LIPG: variants seen among roughly 807,000 people sequenced by gnomAD.
The protein encoded by LIPG is endothelial lipase.
LIPG carries 34 observed loss-of-function variants against 51.8 expected under a neutral mutation model. That is an observed-to-expected ratio of 0.66 (90% CI 0.50 to 0.87). LIPG has a LOEUF of 0.87. Ranked by LOEUF, LIPG falls within the 40% of genes least tolerant of loss-of-function variation. The probability of loss-of-function intolerance (pLI) is 0.00; values close to 1 mark genes in which losing one functional copy is unlikely to be tolerated. For synonymous variants in LIPG, 246 were observed against 246.1 expected, an observed-to-expected ratio of 1.00 and a Z score of 0.00; for missense variants, 580 against 652.7, an observed-to-expected ratio of 0.89 and a Z score of 1.21.
intron 9 of LIPG, chr18:49,589,389 CACATATATTA>C (rs1266197057): frequency 6.6e-6 from 1 of 152,156 alleles, no homozygotes; most frequent in Non-Finnish European, 1.5e-5. Context: ...AAAGTGTTTC[CACATATATTA>C]ACTTCATTGA....
Position 49,583,555 on chromosome 18 carries a change from G to C in LIPG, c.1158-1G>C. ...GAGATCAGCTTCTCTCCCACTTGTA[G>C]AGTGGAGCGGATCGAGCAGAATGCC... On this transcript the variant is annotated splice_acceptor_variant, in intron 7 of 9. Coordinates refer to ENST00000261292, the MANE Select transcript of LIPG (RefSeq NM_006033.4). LOFTEE classifies it high-confidence loss of function. 2 of 1,613,018 alleles carry C rather than the reference G, an allele frequency of 1.2e-6. No homozygotes were observed. The highest frequency in any genetic ancestry group is 1.7e-6 in the Non-Finnish European group (2 of 1,179,088).
At position 49,583,587 on chromosome 18, in the gene LIPG, A is replaced by G. The variant is rs1432153994; in HGVS notation, c.1189A>G (p.Thr397Ala). ...VERIEQNATNTFLVYTEEDLG... is the reference protein window; with the variant it reads ...VERIEQNATNAFLVYTEEDLG... Reference sequence around the variant, plus strand: ...GCGGATCGAGCAGAATGCCACCAACACCTTCCTGGTCTACACCGAGGAGGA... The same window carrying G: ...GCGGATCGAGCAGAATGCCACCAACGCCTTCCTGGTCTACACCGAGGAGGA... Residue 397 changes from threonine to alanine, a missense_variant, in exon 8 of 10, where the codon ACC (threonine) becomes GCC (alanine). Transcript: ENST00000261292. The G allele has an allele frequency of 6.2e-7, 1 of 1,614,118 alleles. No homozygotes were observed. The highest frequency in any genetic ancestry group is 8.5e-7 in the Non-Finnish European group (1 of 1,180,010).
intron 6 of LIPG, 161 bp downstream of exon 6, chr18:49,581,818 G>A: frequency 4.4e-6 from 4 of 900,430 alleles, no homozygotes; most frequent in South Asian, 2.8e-5. Flanking sequence ...CTAGGAAAGG[G>A]AATCTTTACA....
chr18:49,589,218 C>T (rs894544169), intron 9 of LIPG: 1 of 152,226 alleles, frequency 6.6e-6, no homozygotes, highest in Non-Finnish European at 1.5e-5. Flanking sequence ...GCGCTGCATC[C>T]CAGCTGCTCT....
At chr18:49,588,701 A>G (rs1018105902) in intron 9 of LIPG, among the ~76,000 whole-genome samples, 14 of 152,194 alleles carry the variant, frequency 9.2e-5, no homozygotes, top group Middle Eastern at 3.4e-3. Context: ...CCATGCTGCA[A>G]TCCGTTATTT....
At chr18:49,577,652 C>A (rs1179692593) in intron 5 of LIPG, among the ~76,000 whole-genome samples, 194 of 138,958 alleles carry the variant, frequency 1.4e-3, no homozygotes, top group Non-Finnish European at 2.3e-3. Context: ...GGGGGCTGAC[C>A]CCCCCACCTC....
At chr18:49,586,367 C>G (rs558639315) in intron 8 of LIPG, among the ~76,000 whole-genome samples, 81 of 152,296 alleles carry the variant, frequency 5.3e-4, no homozygotes, top group Middle Eastern at 3.4e-3. Flanking sequence ...GCAACACTAA[C>G]AAAAGCAATA....
At chr18:49,570,359 C>CA (rs2084649888) in intron 4 of LIPG, among the ~76,000 whole-genome samples, 1 of 152,186 alleles carries the variant, frequency 6.6e-6, no homozygotes, top group African/African-American at 2.4e-5. Flanking sequence ...AGTATATACA[C>CA]AGAGATTCCT....
intron 4 of LIPG, among the ~76,000 whole-genome samples, chr18:49,571,628 G>A (rs2084664614): frequency 1.3e-5 from 2 of 152,294 alleles, no homozygotes; most frequent in Admixed American, 6.5e-5. Flanking sequence ...TATGTCTGAT[G>A]GGGGAGGCTG....
At chr18:49,582,209 T>C (rs905468768) in intron 6 of LIPG, among the ~76,000 whole-genome samples, 153 bp from the exon 7 acceptor site, 1 of 152,146 alleles carries the variant, frequency 6.6e-6, no homozygotes, top group Non-Finnish European at 1.5e-5. Context: ...CTTATGGCAT[T>C]GGACAGAACA....
intron 9 of LIPG, chr18:49,590,294 A>G: frequency 1.5e-6 from 1 of 670,478 alleles, no homozygotes. Context: ...GGTGTTTCTC[A>G]AAGTGCATCT....
At chr18:49,566,734 C>CT (rs1199045281) in intron 2 of LIPG, among the ~76,000 whole-genome samples, 9 of 152,238 alleles carry the variant, frequency 5.9e-5, no homozygotes, top group Non-Finnish European at 1.5e-5. Context: ...CCCTGCGTCT[C>CT]TAAGAGAGAA....
rs965538746 is a variant in LIPG, at chr18:49,593,484, G to C, written c.*2962G>C. On this transcript the variant is annotated 3_prime_UTR_variant, in exon 10 of 10. Coordinates refer to ENST00000261292, the MANE Select transcript of LIPG (RefSeq NM_006033.4). ...AGGGAGCATGGCTGGACACTGGGGA[G>C]CATTAGTGAGATTATTAGGTTTGGT... 1 of 152,210 alleles carries C rather than the reference G, an allele frequency of 6.6e-6. No individual in the cohort carries two copies. The highest frequency in any genetic ancestry group is 1.5e-5 in the Non-Finnish European group (1 of 68,050). 9.4% of individuals were successfully genotyped at this position (152,210 alleles called of 1,614,324 possible). A position where few individuals can be genotyped will look rare whatever the true frequency, so the allele number is the denominator to read the frequency against.
rs1245620920 is a variant in LIPG, at chr18:49,562,476, T to C, written c.97+71T>C. Reference sequence around the variant, plus strand: ...GGGTCCCCTCTGTCTTGCTGATTCTTCAAACCCTCCTTGTTCCTATGAAAT... The same window carrying C: ...GGGTCCCCTCTGTCTTGCTGATTCTCCAAACCCTCCTTGTTCCTATGAAAT... On this transcript the variant is annotated intron_variant, in intron 1 of 9. Transcript: ENST00000261292. 6.9e-6 allele frequency: 9 copies of C among 1,313,482 alleles called. No homozygotes were observed. In the South Asian group the frequency reaches 1.1e-4, roughly 16 times the overall value. 81.4% of individuals were successfully genotyped at this position (1,313,482 alleles called of 1,614,324 possible).
rs111384586 is a variant in LIPG, at chr18:49,567,508, G to C, written c.346G>C (p.Ala116Pro). 6.2e-7 allele frequency: 1 copy of C among 1,614,108 alleles called. No individual in the cohort carries two copies. The highest frequency in any genetic ancestry group is 2.2e-5 in the East Asian group (1 of 44,880). Residue 116 changes from alanine (A) to proline (P), a missense_variant, in exon 3 of 10, where the codon GCC becomes CCC. Coordinates refer to ENST00000261292, the MANE Select transcript of LIPG (RefSeq NM_006033.4). Reference protein sequence around the residue: ...VSALHTREKDANVVVVDWLPL... With the variant: ...VSALHTREKDPNVVVVDWLPL... ...AGCCCTGCACACAAGAGAGAAAGAC[G>C]CCAATGTAGTTGTGGTTGACTGGCT...
In LIPG at chr18:49,577,781, G is replaced by A. The variant is rs1207437975; in HGVS notation, c.793+2191G>A. Among the ~76,000 whole-genome samples, 41 of 113,594 alleles carry A rather than the reference G, an allele frequency of 3.6e-4. 4 individuals carry two copies. Among genetic ancestry groups the A allele is most frequent in the Admixed American group, 3.1e-3 (40 of 13,066 alleles). The allele number at this position is 113,594 out of a possible 152,430, so 74.5% of individuals were successfully genotyped here. On this transcript the variant is annotated intron_variant, in intron 5 of 9. Coordinates refer to ENST00000261292, the MANE Select transcript of LIPG (RefSeq NM_006033.4). ...CACCTCCCTCCCGGATGGGGCGGCT[G>A]GCCAGGCGGGGGGCTGACCCCCCCA...
rs1260609573 is a variant in LIPG at position 49,579,957 on chromosome 18, T to G, written c.794-1458T>G. ...CCTCCCAAGTAGCAGGGACTACAGG[T>G]GCTTACCACCATGTACAGTTAATTT... On this transcript the variant is annotated intron_variant, in intron 5 of 9. Transcript: ENST00000261292. 2.0e-5 allele frequency among the ~76,000 whole-genome samples: 3 copies of G among 152,082 alleles called. No homozygotes were observed. In the East Asian group the frequency reaches 5.8e-4, roughly 29 times the overall value.
In LIPG at chr18:49,581,643, G is replaced by A. The variant is rs1481857427; in HGVS notation, c.1022G>A (p.Gly341Asp). Residue 341 changes from glycine (G) to aspartate (D), a missense_variant, in exon 6 of 10, where the codon GGC becomes GAC. Coordinates refer to ENST00000261292, the MANE Select transcript of LIPG (RefSeq NM_006033.4). ...AAAATGTACCTAAAAACCCGGGCAG[G>A]CATGCCTTTCAGAGGTAACCTTCAG... ...NSKMYLKTRA[G>D]MPFRVYHYQM... is the part of the protein sequence containing the mutation. 2 of 1,613,568 alleles carry A rather than the reference G, an allele frequency of 1.2e-6. No individual in the cohort carries two copies. The highest frequency in any genetic ancestry group is 1.7e-6 in the Non-Finnish European group (2 of 1,180,048).
Position 49,590,609 on chromosome 18 carries a change from C to T in LIPG, c.*87C>T. The T allele has an allele frequency of 7.6e-7, 1 of 1,322,274 alleles. No individual in the cohort carries two copies. The highest frequency in any genetic ancestry group is 1.1e-6 in the Non-Finnish European group (1 of 937,580). The allele number at this position is 1,322,274 out of a possible 1,614,324, so 81.9% of individuals were successfully genotyped here. On this transcript the variant is annotated 3_prime_UTR_variant, in exon 10 of 10. Transcript: ENST00000261292. ...GGAAAGTTACTGCTGAGGACCCACCCAATGGAAGGATTCTTCTCAGCCTTG... is the reference window on the plus strand; with the variant it reads ...GGAAAGTTACTGCTGAGGACCCACCTAATGGAAGGATTCTTCTCAGCCTTG...
Sources: gnomAD v4.1 joint callset for allele counts (sites outside exome capture counted in the v4.1 genomes callset) on GRCh38, gnomAD v4.1.1 for gene constraint, MANE v1.5 for transcripts, NCBI Gene and HGNC (gene_info 2026-07-23, HGNC 2026-07-21) for gene names.